Variants in AFF2 observed in about 807,000 individuals in gnomAD.
AFF2 encodes the protein AF4/FMR2 family member 2.
AFF2 carries 14 observed loss-of-function variants against 76.9 expected under a neutral mutation model. The ratio of observed to expected loss-of-function variants is 0.18; its 90% CI spans 0.12 to 0.28. The LOEUF (loss-of-function observed/expected upper bound fraction) is 0.28, where lower values mean the gene tolerates loss of function less well. Among genes scored for constraint, AFF2 ranks in the 10% least tolerant of loss-of-function variants. The pLI is 1.00. For synonymous variants in AFF2, 398 were observed against 366.7 expected, an observed-to-expected ratio of 1.09 and a Z score of -0.98; for missense variants, 868 against 1,001.1, an observed-to-expected ratio of 0.87 and a Z score of 1.79.
chrX:148,934,741 G>T, intron 9 of AFF2, among the ~76,000 whole-genome samples: 1 of 111,719 alleles, frequency 9.0e-6, no homozygotes, highest in East Asian at 2.8e-4. Context: ...ATGAAGTGAG[G>T]TTTCATGAAA....
At chrX:148,873,312 C>T (rs1557277572) in intron 7 of AFF2, among the ~76,000 whole-genome samples, 1 of 110,387 alleles carries the variant, frequency 9.1e-6, no homozygotes, top group Non-Finnish European at 1.9e-5. Flanking sequence ...ATCAATTAGC[C>T]AGTGAAGGAC....
At chrX:148,758,593 T>C (rs1817848660) in intron 3 of AFF2, among the ~76,000 whole-genome samples, 1 of 112,039 alleles carries the variant, frequency 8.9e-6, no homozygotes, top group Admixed American at 9.5e-5. Flanking sequence ...TGGTTTTCTG[T>C]CATGCCTTTT....
At chrX:148,807,990 A>G (rs1569555828) in intron 3 of AFF2, among the ~76,000 whole-genome samples, 1 of 112,605 alleles carries the variant, frequency 8.9e-6, no homozygotes, top group Non-Finnish European at 1.9e-5. Context: ...AAACAATCAA[A>G]CAACTAAAAC....
intron 3 of AFF2, among the ~76,000 whole-genome samples, chrX:148,683,990 A>G (rs782527121): frequency 8.9e-6 from 1 of 111,865 alleles, no homozygotes; most frequent in African/African-American, 3.3e-5. Flanking sequence ...TGCCTGGTAT[A>G]CATTAATTTC....
chrX:148,874,800 T>C (rs2071017821), intron 7 of AFF2, among the ~76,000 whole-genome samples: 1 of 111,680 alleles, frequency 9.0e-6, no homozygotes, highest in South Asian at 3.8e-4. Flanking sequence ...GCCTTACATG[T>C]GTTCAGCAGG....
At chrX:148,766,628 G>A (rs2069522290) in intron 3 of AFF2, among the ~76,000 whole-genome samples, 1 of 107,759 alleles carries the variant, frequency 9.3e-6, no homozygotes, top group Non-Finnish European at 1.9e-5. Context: ...TGAGTAGGTT[G>A]CAAAAATTTT....
At chrX:148,851,146 G>A in intron 7 of AFF2, among the ~76,000 whole-genome samples, 1 of 112,135 alleles carries the variant, frequency 8.9e-6, no homozygotes, top group Non-Finnish European at 1.9e-5. Context: ...GGAATGTTAG[G>A]TTTAAATAGT....
intron 3 of AFF2, among the ~76,000 whole-genome samples, chrX:148,745,048 T>C (rs1217958813): frequency 8.9e-6 from 1 of 111,927 alleles, no homozygotes; most frequent in Admixed American, 9.4e-5. Flanking sequence ...ATAGTGAGTC[T>C]TGTGCCTGGC....
At chrX:148,948,486 G>C (rs1250922836) in intron 9 of AFF2, among the ~76,000 whole-genome samples, 1 of 111,860 alleles carries the variant, frequency 8.9e-6, no homozygotes, top group Non-Finnish European at 1.9e-5. Context: ...GGTGCAAGTG[G>C]TAAAGGAATT....
chrX:148,660,262 T>C (rs2054291036), intron 2 of AFF2, among the ~76,000 whole-genome samples: 1 of 111,770 alleles, frequency 8.9e-6, no homozygotes, highest in Non-Finnish European at 1.9e-5. Flanking sequence ...GAGGCCAAGA[T>C]TACTGGTTTG....
chrX:148,548,420 C>T (rs2052951349), intron 1 of AFF2, among the ~76,000 whole-genome samples: 1 of 111,784 alleles, frequency 8.9e-6, no homozygotes, highest in Non-Finnish European at 1.9e-5. Flanking sequence ...GAAGCTGCTT[C>T]CCTTTTATTT....
intron 3 of AFF2, among the ~76,000 whole-genome samples, chrX:148,708,381 A>T (rs1362824344): frequency 2.6e-4 from 29 of 111,778 alleles, no homozygotes; most frequent in Admixed American, 2.6e-3. Context: ...GTGAAAGGTA[A>T]ATCTTACAAG....
rs1300029544 is a variant in AFF2, at chrX:148,995,228, T to G, written c.*3896T>G. The G allele has an allele frequency of 1.8e-5, 2 of 110,764 alleles. No homozygotes were observed. The highest frequency in any genetic ancestry group is 6.6e-5 in the African/African-American group (2 of 30,382). 9.1% of individuals were successfully genotyped at this position (110,764 alleles called of 1,213,427 possible). A position where few individuals can be genotyped will look rare whatever the true frequency, so the allele number is the denominator to read the frequency against. Reference sequence around the variant, plus strand: ...TAATTCATTTTCTCTTTAGTGTTAGTAGACTCCAACAACAGAAGTGGCATC... The same window carrying G: ...TAATTCATTTTCTCTTTAGTGTTAGGAGACTCCAACAACAGAAGTGGCATC... On this transcript the variant is annotated 3_prime_UTR_variant, in exon 21 of 21. Transcript: ENST00000370460.
intron 3 of AFF2, among the ~76,000 whole-genome samples, chrX:148,794,277 A>G (rs2069938494): frequency 8.9e-6 from 1 of 112,244 alleles, no homozygotes; most frequent in Non-Finnish European, 1.9e-5. Context: ...CAGCCTTGTC[A>G]TGGCTCCAGT....
intron 1 of AFF2, among the ~76,000 whole-genome samples, chrX:148,535,048 A>C (rs1460513944): frequency 9.0e-6 from 1 of 111,523 alleles, no homozygotes; most frequent in Non-Finnish European, 1.9e-5. Context: ...GGGTAAAGTT[A>C]CTTAAATTCT....
intron 3 of AFF2, among the ~76,000 whole-genome samples, chrX:148,721,790 G>A (rs1557263841): frequency 1.8e-5 from 2 of 112,234 alleles, no homozygotes; most frequent in Non-Finnish European, 3.8e-5. Context: ...GAAGCCCCTA[G>A]GGGAAGATAC....
chrX:148,696,503 T>C (rs1557261300), intron 3 of AFF2, among the ~76,000 whole-genome samples: 1 of 111,582 alleles, frequency 9.0e-6, no homozygotes, highest in African/African-American at 3.3e-5. Context: ...CATATCTTTA[T>C]CTTCATATAC....
intron 16 of AFF2, among the ~76,000 whole-genome samples, chrX:148,977,712 A>G (rs918079998): frequency 9.1e-6 from 1 of 110,302 alleles, no homozygotes; most frequent in Non-Finnish European, 1.9e-5. Flanking sequence ...TGCTTTCTCC[A>G]GAGTTCAACT....
chrX:148,602,964 A>AT (rs782802963), intron 1 of AFF2, among the ~76,000 whole-genome samples: 13 of 110,562 alleles, frequency 1.2e-4, no homozygotes, highest in Non-Finnish European at 2.3e-4. Context: ...CATGTAAGTT[A>AT]TTTTTTTTAA....
Sources: gnomAD v4.1 joint callset for allele counts (sites outside exome capture counted in the v4.1 genomes callset) on GRCh38, gnomAD v4.1.1 for gene constraint, MANE v1.5 for transcripts, NCBI Gene and HGNC (gene_info 2026-07-23, HGNC 2026-07-21) for gene names.